Variants in PKD2L2 observed in about 807,000 individuals in gnomAD.
PKD2L2 encodes polycystin 2 like 2, transient receptor potential cation channel.
In PKD2L2, 67 loss-of-function variants were observed where a neutral mutation model predicts 83.9. The observed-to-expected ratio is 0.80, with a 90% CI of 0.66 to 0.98. The LOEUF is 0.98. PKD2L2 is among the 50% of genes least tolerant of loss of function. The pLI is 0.00. For missense variants in PKD2L2, 632 were observed against 717.2 expected, an observed-to-expected ratio of 0.88 and a Z score of 1.36; for synonymous variants, 223 against 237.8, an observed-to-expected ratio of 0.94 and a Z score of 0.57.
intron 5 of PKD2L2, among the ~76,000 whole-genome samples, chr5:137,903,780 T>C (rs1030615084): frequency 2.4e-4 from 37 of 152,186 alleles, no homozygotes; most frequent in African/African-American, 8.4e-4. Context: ...ATTTTTGAGA[T>C]GGAGTCTAGC....
chr5:137,906,376 A>T lies in PKD2L2; in HGVS notation c.917A>T (p.Glu306Val). 1 of 1,611,220 alleles carries T rather than the reference A, an allele frequency of 6.2e-7. No individual in the cohort carries two copies. Among genetic ancestry groups the T allele is most frequent in the Non-Finnish European group, 8.5e-7 (1 of 1,177,796 alleles). ...ACACAAGAAGTCAAAAAAATAAAAG[A>T]ATTTAAGTCTGCCTATTTCAAAAGT... ...FTTQEVKKIK[E>V]FKSAYFKSIW... The change falls in exon 6 of 15, where the codon GAA (glutamate) becomes GTA (valine). Residue 306 changes from glutamate to valine, a missense_variant. By Grantham distance (121) the Glu-to-Val change is moderately radical. Coordinates refer to ENST00000508883, the MANE Select transcript of PKD2L2 (RefSeq NM_001300921.2).
At chr5:137,934,976 A>G (rs1723333762) in intron 12 of PKD2L2, among the ~76,000 whole-genome samples, 2 of 152,240 alleles carry the variant, frequency 1.3e-5, no homozygotes, top group South Asian at 4.1e-4. Flanking sequence ...TCAAGCAACC[A>G]CAGAGTGTAT....
At chr5:137,937,092 ATCAAGTGCG>A (rs1383931020) in intron 14 of PKD2L2, among the ~76,000 whole-genome samples, 1 of 152,258 alleles carries the variant, frequency 6.6e-6, no homozygotes, top group African/African-American at 2.4e-5. Flanking sequence ...TATTGATGCT[ATCAAGTGCG>A]TCAGGTACCA....
At chr5:137,925,828 TTTC>T (rs1561702691) in intron 11 of PKD2L2, 44 bp from the exon 12 acceptor site, 7 of 1,214,198 alleles carry the variant, frequency 5.8e-6, no homozygotes, top group African/African-American at 1.5e-5. Context: ...TGGCATTTCC[TTTC>T]TTATTGTCAT....
intron 13 of PKD2L2, 71 bp downstream of exon 13, chr5:137,935,980 A>G (rs900793767): frequency 1.1e-6 from 1 of 886,722 alleles, no homozygotes; most frequent in Admixed American, 2.2e-5. Context: ...AGTTAAACAC[A>G]TTATTTTCCT....
intron 12 of PKD2L2, among the ~76,000 whole-genome samples, chr5:137,929,505 A>T (rs1484923650): frequency 1.4e-5 from 2 of 144,948 alleles, no homozygotes; most frequent in Non-Finnish European, 3.0e-5. Flanking sequence ...TAGAACAAAA[A>T]TACATATATT....
At chr5:137,938,157 A>G (rs994560198) in intron 14 of PKD2L2, 2 of 152,560 alleles carry the variant, frequency 1.3e-5, no homozygotes, top group Non-Finnish European at 2.9e-5. Context: ...CAATACTGTC[A>G]CAGAGCATAA....
chr5:137,933,279 G>GT (rs1471199436), intron 12 of PKD2L2, among the ~76,000 whole-genome samples: 1 of 152,102 alleles, frequency 6.6e-6, no homozygotes, highest in Non-Finnish European at 1.5e-5. Context: ...CTTCTATCCA[G>GT]TAAGATCAAA....
chr5:137,913,192 T>C lies in PKD2L2; in HGVS notation c.1328+4246T>C, dbSNP rs552421127. Among the ~76,000 whole-genome samples, 765 of 147,242 alleles carry C rather than the reference T, an allele frequency of 5.2e-3. 10 individuals are homozygous for C. In the South Asian group the frequency reaches 0.058, roughly 11 times the overall value. On this transcript the variant is annotated intron_variant, in intron 8 of 14. Transcript: ENST00000508883. ...GCCCAGCCTTCTTTTTTCTTTTTTT[T>C]TTTTTTTTTTTGAGACAGTCTCACT...
chr5:137,923,143 G>C (rs949584762), intron 9 of PKD2L2, among the ~76,000 whole-genome samples: 4 of 151,752 alleles, frequency 2.6e-5, no homozygotes, highest in African/African-American at 9.7e-5. Flanking sequence ...CACCTCCCGA[G>C]TAGCTGGGAC....
rs1756064592 is a variant in PKD2L2 at position 137,892,352 on chromosome 5, AATT to A, written c.134-123_134-121del. 4 of 436,168 alleles carry A rather than the reference AATT, an allele frequency of 9.2e-6. No homozygotes were observed. The East Asian group carries it at 1.2e-4, about 13-fold the overall frequency. 27.0% of individuals were successfully genotyped at this position (436,168 alleles called of 1,614,324 possible). A position where few individuals can be genotyped will look rare whatever the true frequency, so the allele number is the denominator to read the frequency against. On this transcript the variant is annotated intron_variant, in intron 2 of 14. Transcript: ENST00000508883. ...TTATATTTCTAGTTTAGATTTTTTA[AATT>A]ATTACTTTTATAATTAGATTAATAA...
At chr5:137,905,665 T>C (rs939604141) in intron 5 of PKD2L2, among the ~76,000 whole-genome samples, 1 of 152,200 alleles carries the variant, frequency 6.6e-6, no homozygotes, top group Non-Finnish European at 1.5e-5. Flanking sequence ...TCTGTTTGCA[T>C]ATAGATCTTT....
chr5:137,889,641 C>A, intron 1 of PKD2L2, 119 bp downstream of exon 1: 2 of 780,532 alleles, frequency 2.6e-6, no homozygotes, highest in South Asian at 4.6e-5. Flanking sequence ...CACCTTTAGC[C>A]CTCACAGCCT....
chr5:137,910,610 TA>T (rs921071053), intron 8 of PKD2L2, among the ~76,000 whole-genome samples: 20 of 147,238 alleles, frequency 1.4e-4, no homozygotes, highest in Admixed American at 1.4e-4. Flanking sequence ...CCGTCTCTAC[TA>T]AAAAAAAAAT....
In PKD2L2 at chr5:137,925,172, A is replaced by C; in HGVS notation, c.1616+68A>C. The C allele has an allele frequency of 4.0e-6, 4 of 1,009,208 alleles. No homozygotes were observed. In the South Asian group the frequency reaches 4.1e-5, roughly 10 times the overall value. 62.5% of individuals were successfully genotyped at this position (1,009,208 alleles called of 1,614,324 possible). On this transcript the variant is annotated intron_variant, in intron 11 of 14. Coordinates refer to ENST00000508883, the MANE Select transcript of PKD2L2 (RefSeq NM_001300921.2). ...TTCCACATTATATGAGAACCTTATA[A>C]GGTTTTTTTTGTTTTTTGTTTGTTT...
At position 137,889,485 on chromosome 5, in the gene PKD2L2, G is replaced by A. The variant is rs778471497; in HGVS notation, c.-7G>A. 4 of 1,573,510 alleles carry A rather than the reference G, an allele frequency of 2.5e-6. No homozygotes were observed. The highest frequency in any genetic ancestry group is 3.4e-6 in the Non-Finnish European group (4 of 1,164,264). On this transcript the variant is annotated 5_prime_UTR_variant, in exon 1 of 15. Transcript: ENST00000508883. ...CGAACGAACGGGCGGTGTAGTGCAGGTCCGCCATGGCTGAGGCGTCACGGT... is the reference window on the plus strand; with the variant it reads ...CGAACGAACGGGCGGTGTAGTGCAGATCCGCCATGGCTGAGGCGTCACGGT...
intron 12 of PKD2L2, among the ~76,000 whole-genome samples, 196 bp from the exon 13 acceptor site, chr5:137,935,601 C>T (rs377553894): frequency 1.3e-5 from 2 of 152,194 alleles, no homozygotes; most frequent in South Asian, 2.1e-4. Context: ...AGCAATTACA[C>T]CAATCAAGTC....
chr5:137,895,095 T>C (rs745737063), intron 4 of PKD2L2, among the ~76,000 whole-genome samples: 3 of 152,168 alleles, frequency 2.0e-5, no homozygotes, highest in Non-Finnish European at 4.4e-5. Flanking sequence ...CATCTGATGA[T>C]GCTTTACAAA....
intron 8 of PKD2L2, among the ~76,000 whole-genome samples, chr5:137,916,244 C>T (rs917988810): frequency 6.6e-6 from 1 of 151,908 alleles, no homozygotes; most frequent in Non-Finnish European, 1.5e-5. Flanking sequence ...GGCACGATCT[C>T]GGCTCACCAC....
Sources: allele counts gnomAD v4.1 joint callset (sites outside exome capture counted in the v4.1 genomes callset), GRCh38; gene constraint gnomAD v4.1.1; transcripts MANE v1.5; gene names NCBI Gene and HGNC (gene_info 2026-07-23, HGNC 2026-07-21).